CLSTN3: variants seen among roughly 807,000 people sequenced by gnomAD.
CLSTN3 encodes calsyntenin 3.
In CLSTN3, 36 loss-of-function variants were observed where a neutral mutation model predicts 95.9. The ratio of observed to expected loss-of-function variants is 0.38; its 90% CI spans 0.29 to 0.50. The LOEUF (loss-of-function observed/expected upper bound fraction) is 0.50. Among genes scored for constraint, CLSTN3 ranks in the 20% least tolerant of loss-of-function variants. CLSTN3 has a pLI of 0.95. For missense variants in CLSTN3, 1,084 were observed against 1,268.8 expected (o/e 0.85, Z 2.21); for synonymous variants, 481 against 504.0 (o/e 0.95, Z 0.61).
chr12:7,151,264 C>T (rs1170469908), intron 16 of CLSTN3: 3 of 541,526 alleles, frequency 5.5e-6, no homozygotes, highest in African/African-American at 3.9e-5. Flanking sequence ...TTGTGAAGAA[C>T]ATGAGCCTTG....
intron 5 of CLSTN3, 84 bp downstream of exon 5, chr12:7,136,037 C>G: frequency 1.3e-6 from 2 of 1,528,432 alleles, no homozygotes. Context: ...ATCATGGGGG[C>G]CAGGCTAGGG....
In CLSTN3 at chr12:7,149,648, C is replaced by T. The variant is rs762431999; in HGVS notation, c.2200C>T (p.Arg734Trp). 36 of 1,614,062 alleles carry T rather than the reference C, an allele frequency of 2.2e-5. No homozygotes were observed. The highest frequency in any genetic ancestry group is 1.1e-4 in the East Asian group (5 of 44,896). Residue 734 changes from arginine to tryptophan, a missense_variant, in exon 14 of 18, where the codon CGG becomes TGG. Physicochemically the swap from Arg to Trp is moderately radical, Grantham distance 101. Coordinates refer to ENST00000266546, the MANE Select transcript of CLSTN3 (RefSeq NM_014718.4). The surrounding 1 kb of genome is among the most constrained non-coding windows in gnomAD (Gnocchi z 4.5). ...LLLDTTSLQQ[R>W]GLELTNTSAY... is the part of the protein sequence containing the mutation. ...CCTGGACACAACCTCTCTGCAGCAG[C>T]GGGGGCTGGAGCTCACCAACACATC...
chr12:7,145,429 TC>T (rs1224600022), intron 12 of CLSTN3, among the ~76,000 whole-genome samples: 4 of 152,090 alleles, frequency 2.6e-5, no homozygotes, highest in Non-Finnish European at 4.4e-5. Context: ...TACCTCCCTT[TC>T]CCTGATGCAT....
chr12:7,135,612 A>G, intron 4 of CLSTN3, 77 bp downstream of exon 4: 3 of 1,501,610 alleles, frequency 2.0e-6, no homozygotes, highest in Non-Finnish European at 2.8e-6. Flanking sequence ...CCAGGGTTGC[A>G]TTCTCCACTT....
Position 7,133,791 on chromosome 12 carries a change from C to T in CLSTN3, c.383+23C>T. 5 of 1,535,784 alleles carry T rather than the reference C, an allele frequency of 3.3e-6. No homozygotes were observed. The highest frequency in any genetic ancestry group is 4.4e-6 in the Non-Finnish European group (5 of 1,142,908). ...CAAGTGAGGAAGTCCTTGTCTCCTG[C>T]CCCATGTGTTGCAGGGTCCTCCTCC... On this transcript the variant is annotated intron_variant, in intron 3 of 17. Transcript: ENST00000266546. The surrounding 1 kb of genome is among the most constrained non-coding windows in gnomAD (Gnocchi z 4.7).
In CLSTN3 at chr12:7,137,442, A is replaced by C; in HGVS notation, c.1210+332A>C. On this transcript the variant is annotated intron_variant, in intron 7 of 17. Coordinates refer to ENST00000266546, the MANE Select transcript of CLSTN3 (RefSeq NM_014718.4). This position sits in a 1 kb window ranked among gnomAD's most constrained non-coding sequence, Gnocchi z 4.4. Reference sequence around the variant, plus strand: ...TCCATTGCAATGGGAAAGCCTGGGTAATGGTGTGCCCCATTCTTTCATCAT... The same window carrying C: ...TCCATTGCAATGGGAAAGCCTGGGTCATGGTGTGCCCCATTCTTTCATCAT... 3.0e-6 allele frequency: 1 copy of C among 336,586 alleles called. No individual in the cohort carries two copies. Among genetic ancestry groups the C allele is most frequent in the Non-Finnish European group, 5.7e-6 (1 of 176,846 alleles). 20.8% of individuals were successfully genotyped at this position (336,586 alleles called of 1,614,324 possible).
rs1444459634 is a variant in CLSTN3 at position 7,157,704 on chromosome 12, G to A, written c.2730+13G>A. 5.1e-6 allele frequency: 8 copies of A among 1,560,472 alleles called. No homozygotes were observed. Among genetic ancestry groups the A allele is most frequent in the Non-Finnish European group, 6.9e-6 (8 of 1,151,578 alleles). On this transcript the variant is annotated intron_variant, in intron 17 of 17. Transcript: ENST00000266546. The surrounding 1 kb of genome is among the most constrained non-coding windows in gnomAD (Gnocchi z 5.9). ...GAACCCCATGGAGGTGAGAGGCCTG[G>A]GGAAGCGGGGTTCTGTAGGGTCAAG...
At chr12:7,148,863 A>G (rs1030788212) in intron 12 of CLSTN3, 109 bp from the exon 13 acceptor site, 14 of 895,932 alleles carry the variant, frequency 1.6e-5, no homozygotes, top group African/African-American at 1.5e-4. Context: ...CCTTCCTGAC[A>G]TGAGATGCTC....
chr12:7,138,694 C>G (rs1490850561), intron 8 of CLSTN3: 2 of 152,048 alleles, frequency 1.3e-5, no homozygotes, highest in Non-Finnish European at 2.9e-5. Context: ...AAAATCCTCT[C>G]TTGAGCCAAC....
intron 16 of CLSTN3, among the ~76,000 whole-genome samples, chr12:7,155,627 G>C (rs935972906): frequency 6.6e-6 from 1 of 152,244 alleles, no homozygotes; most frequent in Non-Finnish European, 1.5e-5. Context: ...ATTTCCTGCA[G>C]ATGGGCAGGA....
chr12:7,153,915 C>T (rs1012816329), intron 16 of CLSTN3, among the ~76,000 whole-genome samples: 20 of 152,336 alleles, frequency 1.3e-4, no homozygotes, highest in South Asian at 2.1e-4. Flanking sequence ...CACCCCTCAG[C>T]CCCTGGAGGA....
At chr12:7,152,261 T>G (rs1479478246) in intron 16 of CLSTN3, among the ~76,000 whole-genome samples, 2 of 152,198 alleles carry the variant, frequency 1.3e-5, no homozygotes, top group African/African-American at 2.4e-5. Flanking sequence ...CCCACATTAT[T>G]AAAAATTGCA....
At position 7,150,487 on chromosome 12, in the gene CLSTN3, TC is replaced by T; in HGVS notation, c.2246-55del. ...GCTGGTGGGAGTCCAGGAGAGAGGGTCCTGCCCAGGTCCTGCCTCCACTGGC... is the reference window on the plus strand; with the variant it reads ...GCTGGTGGGAGTCCAGGAGAGAGGGTCTGCCCAGGTCCTGCCTCCACTGGC... On this transcript the variant is annotated intron_variant, in intron 14 of 17. Coordinates refer to ENST00000266546, the MANE Select transcript of CLSTN3 (RefSeq NM_014718.4). This position sits in a 1 kb window ranked among gnomAD's most constrained non-coding sequence, Gnocchi z 4.0. 1 of 1,571,152 alleles carries T rather than the reference TC, an allele frequency of 6.4e-7. No homozygotes were observed. The highest frequency in any genetic ancestry group is 8.7e-7 in the Non-Finnish European group (1 of 1,152,370).
chr12:7,132,544 A>G (rs1330989834), intron 1 of CLSTN3: 5 of 268,038 alleles, frequency 1.9e-5, no homozygotes. Flanking sequence ...CAGGACTGAA[A>G]TGAGTTGGGA....
At chr12:7,134,709 C>T (rs983463864) in intron 3 of CLSTN3, among the ~76,000 whole-genome samples, 9 of 152,228 alleles carry the variant, frequency 5.9e-5, no homozygotes, top group African/African-American at 1.7e-4. Flanking sequence ...TTTTACTCTG[C>T]ATCTTCCTTG....
intron 10 of CLSTN3, among the ~76,000 whole-genome samples, chr12:7,142,460 G>A (rs947475802): frequency 3.9e-5 from 6 of 152,132 alleles, no homozygotes; most frequent in Admixed American, 6.5e-5. Context: ...TGTGAAGCTC[G>A]CTCACATCCA....
Position 7,151,000 on chromosome 12 carries a change from C to T in CLSTN3, c.2464C>T (p.Arg822Cys). 3 of 1,613,156 alleles carry T rather than the reference C, an allele frequency of 1.9e-6. No homozygotes were observed. The highest frequency in any genetic ancestry group is 1.3e-5 in the African/African-American group (1 of 75,028). ...HVLSSQQFLH[R>C]GHQPPPEMAG... ...GCTCAGCTCCCAGCAGTTCCTGCAC[C>T]GTGGTCACCAGCCCCCGCCTGAGAT... The change falls in exon 16 of 18, where the codon CGT (arginine) becomes TGT (cysteine). Residue 822 changes from arginine (R) to cysteine (C), a missense_variant. By Grantham distance (180) the Arg-to-Cys change is radical. Transcript: ENST00000266546. The surrounding 1 kb of genome is among the most constrained non-coding windows in gnomAD (Gnocchi z 4.0).
At chr12:7,143,607 A>T (rs932221823) in intron 12 of CLSTN3, among the ~76,000 whole-genome samples, 2 of 152,202 alleles carry the variant, frequency 1.3e-5, no homozygotes, top group African/African-American at 2.4e-5. Context: ...GTAAAGTGGG[A>T]CACAGGATTG....
At chr12:7,152,487 AG>A (rs1939740695) in intron 16 of CLSTN3, among the ~76,000 whole-genome samples, 1 of 152,212 alleles carries the variant, frequency 6.6e-6, no homozygotes. Context: ...CAAAGGCCAT[AG>A]ATCGGTCACC....
Sources: gnomAD v4.1 joint callset for allele counts (sites outside exome capture counted in the v4.1 genomes callset) on GRCh38, gnomAD v4.1.1 for gene constraint, Gnocchi (gnomAD v3.1) non-coding constraint, MANE v1.5 for transcripts, NCBI Gene and HGNC (gene_info 2026-07-23, HGNC 2026-07-21) for gene names.